TNIK: variants seen among roughly 807,000 people sequenced by gnomAD.
The protein encoded by TNIK is TRAF2 and NCK-interacting protein kinase.
A neutral mutation model predicts 191.3 loss-of-function variants in TNIK; 49 were observed. That is an observed-to-expected ratio of 0.26 (90% CI 0.20 to 0.32). The LOEUF is 0.32. TNIK is among the 10% of genes least tolerant of loss of function. The pLI is 1.00. For synonymous variants in TNIK, 594 were observed against 600.9 expected (o/e 0.99, Z 0.17); for missense variants, 1,155 against 1,702.3 (o/e 0.68, Z 5.66).
intron 1 of TNIK, among the ~76,000 whole-genome samples, chr3:171,404,891 T>C (rs1191884112): frequency 1.3e-5 from 2 of 152,168 alleles, no homozygotes; most frequent in African/African-American, 4.8e-5. Flanking sequence ...GCCAAGCCTA[T>C]AACACATCAG....
At chr3:171,269,633 ATTTC>A (rs1390054742) in intron 2 of TNIK, among the ~76,000 whole-genome samples, 1 of 152,124 alleles carries the variant, frequency 6.6e-6, no homozygotes, top group African/African-American at 2.4e-5. Context: ...TCAAAATATG[ATTTC>A]TTTCTTATTA....
chr3:171,262,012 C>A (rs1175412883), intron 2 of TNIK, among the ~76,000 whole-genome samples: 1 of 152,116 alleles, frequency 6.6e-6, no homozygotes, highest in Non-Finnish European at 1.5e-5. Flanking sequence ...CCTTTTCAAT[C>A]CTAACCCAGC....
At chr3:171,117,711 C>T (rs1056807150) in intron 18 of TNIK, among the ~76,000 whole-genome samples, 1 of 152,136 alleles carries the variant, frequency 6.6e-6, no homozygotes, top group Admixed American at 6.5e-5. Flanking sequence ...TGGCTCACAC[C>T]TGTAATCCCA....
At chr3:171,188,898 GT>G in intron 6 of TNIK, 66 bp from the exon 7 acceptor site, 1 of 1,546,702 alleles carries the variant, frequency 6.5e-7, no homozygotes, top group Non-Finnish European at 8.8e-7. Context: ...TAAAATGAAT[GT>G]GAATTATTTT....
intron 8 of TNIK, among the ~76,000 whole-genome samples, chr3:171,177,109 C>CTTTT (rs80076554): frequency 6.9e-6 from 1 of 145,810 alleles, no homozygotes; most frequent in African/African-American, 2.5e-5. Context: ...CTTTTTCTTC[C>CTTTT]TTTTTTTTTT....
intron 3 of TNIK, among the ~76,000 whole-genome samples, chr3:171,212,703 C>T (rs1254032921): frequency 6.6e-6 from 1 of 152,176 alleles, no homozygotes. Context: ...TTCTCTACAA[C>T]ATCCCTAGCA....
intron 2 of TNIK, among the ~76,000 whole-genome samples, chr3:171,308,085 C>T (rs1753650260): frequency 6.6e-6 from 1 of 152,010 alleles, no homozygotes; most frequent in Admixed American, 6.6e-5. Flanking sequence ...TTATAAAATT[C>T]ATATGGAACC....
intron 2 of TNIK, among the ~76,000 whole-genome samples, chr3:171,348,216 C>T (rs370807304): frequency 6.6e-5 from 10 of 152,288 alleles, no homozygotes; most frequent in African/African-American, 1.7e-4. Context: ...CTCCCTGGGG[C>T]ACTCAGCTCT....
At chr3:171,079,235 AG>A (rs1199180882) in intron 28 of TNIK, among the ~76,000 whole-genome samples, 1 of 152,178 alleles carries the variant, frequency 6.6e-6, no homozygotes, top group African/African-American at 2.4e-5. Flanking sequence ...CTGTCCTCAT[AG>A]GCTTATGGCA....
At chr3:171,297,837 G>GA (rs1752475690) in intron 2 of TNIK, among the ~76,000 whole-genome samples, 1 of 152,136 alleles carries the variant, frequency 6.6e-6, no homozygotes, top group African/African-American at 2.4e-5. Flanking sequence ...ATCAGAGAAA[G>GA]AAAAAGTATA....
intron 2 of TNIK, among the ~76,000 whole-genome samples, chr3:171,246,516 G>A (rs2109061872): frequency 6.6e-6 from 1 of 152,264 alleles, no homozygotes; most frequent in East Asian, 1.9e-4. Context: ...TACAGATAAG[G>A]AAACGCACAA....
At chr3:171,345,105 T>C (rs1711952681) in intron 2 of TNIK, among the ~76,000 whole-genome samples, 1 of 152,168 alleles carries the variant, frequency 6.6e-6, no homozygotes, top group African/African-American at 2.4e-5. Flanking sequence ...TGGGAATATG[T>C]CTTAATTGTA....
At chr3:171,393,507 C>T (rs947631624) in intron 1 of TNIK, among the ~76,000 whole-genome samples, 1 of 152,208 alleles carries the variant, frequency 6.6e-6, no homozygotes, top group African/African-American at 2.4e-5. Context: ...TAAACTCCTC[C>T]TCTTGAACCA....
chr3:171,407,726 G>C (rs575317674), intron 1 of TNIK, among the ~76,000 whole-genome samples: 1 of 152,306 alleles, frequency 6.6e-6, no homozygotes, highest in South Asian at 2.1e-4. Flanking sequence ...CTACATGCAA[G>C]GCCACCCTAA....
At position 171,158,407 on chromosome 3, in the gene TNIK, C is replaced by T. The variant is rs566942420; in HGVS notation, c.1017-743G>A. Among the ~76,000 whole-genome samples, 7 of 152,302 alleles carry T rather than the reference C, an allele frequency of 4.6e-5. No individual in the cohort carries two copies. In the South Asian group the frequency reaches 1.5e-3, roughly 32 times the overall value. Reference sequence around the variant, plus strand: ...GAATGTGTGTGCATACGACAGAGATCGAGAGGACATAAATAAGTTCTACCT... The same window carrying T: ...GAATGTGTGTGCATACGACAGAGATTGAGAGGACATAAATAAGTTCTACCT... On this transcript the variant is annotated intron_variant, in intron 11 of 32. Transcript: ENST00000436636.
intron 1 of TNIK, among the ~76,000 whole-genome samples, chr3:171,456,272 T>C (rs1330714336): frequency 1.3e-5 from 2 of 152,214 alleles, no homozygotes; most frequent in East Asian, 1.9e-4. Flanking sequence ...GCTCGCCTCA[T>C]ATGTAATAAA....
chr3:171,433,418 C>G (rs1474853043), intron 1 of TNIK, among the ~76,000 whole-genome samples: 1 of 152,074 alleles, frequency 6.6e-6, no homozygotes, highest in Non-Finnish European at 1.5e-5. Context: ...TGAGCAAACA[C>G]AAAGTAAAAC....
intron 27 of TNIK, 25 bp downstream of exon 27, chr3:171,082,226 G>C (rs1197870166): frequency 6.2e-7 from 1 of 1,607,374 alleles, no homozygotes; most frequent in South Asian, 1.1e-5. Context: ...ATGGACCTGG[G>C]GGACTCATCA....
Position 171,125,975 on chromosome 3 carries a change from G to C in TNIK, c.1950C>G (p.Pro650=). ...SDPTSENPPL[P]TRIEKFDRSS... ...TTCGGTCAAACTTTTCAATGCGAGT[G>C]GGGAGAGGAGGATTTTCCGAGGTGG... Residue 650 remains proline, a synonymous_variant, in exon 17 of 33, where the codon CCC becomes CCG. Coordinates refer to ENST00000436636, the MANE Select transcript of TNIK (RefSeq NM_015028.4). The C allele has an allele frequency of 6.2e-7, 1 of 1,613,992 alleles. No homozygotes were observed. Among genetic ancestry groups the C allele is most frequent in the Non-Finnish European group, 8.5e-7 (1 of 1,179,896 alleles).
Sources: gnomAD v4.1 joint callset for allele counts (sites outside exome capture counted in the v4.1 genomes callset) on GRCh38, gnomAD v4.1.1 for gene constraint, MANE v1.5 for transcripts, NCBI Gene and HGNC (gene_info 2026-07-23, HGNC 2026-07-21) for gene names.